ERBB4: variants seen among roughly 807,000 people sequenced by gnomAD.
ERBB4 encodes receptor tyrosine-protein kinase erbB-4.
Under a neutral mutation model 158.0 loss-of-function variants are expected in ERBB4, and 42 were observed. The observed-to-expected ratio is 0.27, with a 90% confidence interval of 0.21 to 0.34. The LOEUF is 0.34. Among genes scored for constraint, ERBB4 ranks in the 10% least tolerant of loss-of-function variants. The pLI is 1.00. For synonymous variants in ERBB4, 583 were observed against 558.7 expected (o/e 1.04, Z -0.61); for missense variants, 1,333 against 1,624.1 (o/e 0.82, Z 3.08).
chr2:212,236,436 T>A (rs189167460), intron 1 of ERBB4, among the ~76,000 whole-genome samples: 4 of 152,278 alleles, frequency 2.6e-5, no homozygotes, highest in African/African-American at 9.6e-5. Flanking sequence ...TCTTCTTTTG[T>A]GGTGTCTCTG....
chr2:211,558,174 T>C (rs566663828), intron 20 of ERBB4, among the ~76,000 whole-genome samples: 1 of 152,276 alleles, frequency 6.6e-6, no homozygotes, highest in South Asian at 2.1e-4. Flanking sequence ...TGGAAGTCCA[T>C]AATCAGTTTC....
chr2:211,815,392 T>A (rs1360949702), intron 3 of ERBB4, among the ~76,000 whole-genome samples: 2 of 152,246 alleles, frequency 1.3e-5, no homozygotes, highest in African/African-American at 4.8e-5. Flanking sequence ...GTGTTATGTT[T>A]TCTTGTTTTG....
chr2:211,848,723 A>C (rs1346419367), intron 3 of ERBB4, among the ~76,000 whole-genome samples: 2 of 152,094 alleles, frequency 1.3e-5, no homozygotes, highest in African/African-American at 4.8e-5. Context: ...GAGATTAGGC[A>C]CCTGGAAGTC....
At chr2:211,530,086 A>G (rs1490654753) in intron 20 of ERBB4, among the ~76,000 whole-genome samples, 3 of 152,116 alleles carry the variant, frequency 2.0e-5, no homozygotes, top group Middle Eastern at 3.2e-3. Context: ...ACAATCTCAT[A>G]CCTAGAAAAA....
intron 3 of ERBB4, among the ~76,000 whole-genome samples, chr2:211,918,139 T>TTA (rs2079752223): frequency 6.6e-6 from 1 of 152,156 alleles, no homozygotes; most frequent in African/African-American, 2.4e-5. Context: ...TGGAGCTGAT[T>TTA]TAGCACATGA....
intron 1 of ERBB4, among the ~76,000 whole-genome samples, chr2:212,296,660 C>T (rs1159701321): frequency 1.3e-5 from 2 of 151,932 alleles, no homozygotes; most frequent in Admixed American, 1.3e-4. Context: ...CTCTGGACTG[C>T]ATCTTGTTTG....
At chr2:212,142,295 A>G (rs572845924) in intron 1 of ERBB4, among the ~76,000 whole-genome samples, 1 of 152,222 alleles carries the variant, frequency 6.6e-6, no homozygotes, top group South Asian at 2.1e-4. Context: ...TACTATATTT[A>G]TAGCATTTGG....
At chr2:212,531,352 TTA>T (rs1692747077) in intron 1 of ERBB4, among the ~76,000 whole-genome samples, 1 of 152,284 alleles carries the variant, frequency 6.6e-6, no homozygotes, top group Admixed American at 6.5e-5. Context: ...AGGTAGCATC[TTA>T]CAGAAGCCAA....
At chr2:212,043,689 G>A (rs16847575) in intron 2 of ERBB4, among the ~76,000 whole-genome samples, 35,047 of 151,950 alleles carry the variant, frequency 0.23, 4,785 homozygotes, top group African/African-American at 0.39. Context: ...TTAAAAGCCA[G>A]AGAATAAGTG....
At chr2:211,750,884 G>A (rs1400084788) in intron 4 of ERBB4, among the ~76,000 whole-genome samples, 180 bp from the exon 5 acceptor site, 1 of 152,138 alleles carries the variant, frequency 6.6e-6, no homozygotes, top group Non-Finnish European at 1.5e-5. Flanking sequence ...TCAAACATAT[G>A]TGAAACTAAA....
At chr2:212,054,735 T>C (rs1489582945) in intron 2 of ERBB4, among the ~76,000 whole-genome samples, 1 of 152,186 alleles carries the variant, frequency 6.6e-6, no homozygotes. Context: ...TGGAAGATGC[T>C]GGCTGCCAAA....
intron 1 of ERBB4, among the ~76,000 whole-genome samples, chr2:212,316,953 T>C (rs1014977367): frequency 6.6e-5 from 10 of 151,666 alleles, no homozygotes; most frequent in African/African-American, 2.2e-4. Context: ...GCAGGAGCTA[T>C]TCTGAGGTGA....
intron 1 of ERBB4, among the ~76,000 whole-genome samples, chr2:212,521,356 C>T (rs1692151004): frequency 6.6e-6 from 1 of 151,622 alleles, no homozygotes; most frequent in Admixed American, 6.6e-5. Flanking sequence ...TCAGAGAGAG[C>T]CAAATTCTTC....
At chr2:211,591,652 C>A (rs1272825037) in intron 19 of ERBB4, among the ~76,000 whole-genome samples, 1 of 152,226 alleles carries the variant, frequency 6.6e-6, no homozygotes, top group Non-Finnish European at 1.5e-5. Context: ...ACTAACTGCA[C>A]TAGTGGTTCC....
chr2:212,406,709 T>G (rs1196784993), intron 1 of ERBB4, among the ~76,000 whole-genome samples: 1 of 152,114 alleles, frequency 6.6e-6, no homozygotes. Flanking sequence ...TGGTTGTCAT[T>G]TGGGATAATG....
intron 15 of ERBB4, among the ~76,000 whole-genome samples, chr2:211,661,205 C>T (rs2071410456): frequency 6.6e-6 from 1 of 152,122 alleles, no homozygotes; most frequent in South Asian, 2.1e-4. Context: ...TGGCACCATT[C>T]TTTCTAAATA....
At chr2:211,884,254 G>A (rs933215046) in intron 3 of ERBB4, among the ~76,000 whole-genome samples, 30 of 152,088 alleles carry the variant, frequency 2.0e-4, no homozygotes, top group African/African-American at 7.0e-4. Context: ...CCTTAATCCA[G>A]TTATTTTTTC....
chr2:212,292,502 A>T (rs1354305172), intron 1 of ERBB4, among the ~76,000 whole-genome samples: 1 of 152,054 alleles, frequency 6.6e-6, no homozygotes, highest in Non-Finnish European at 1.5e-5. Flanking sequence ...GATAAAAAAT[A>T]GTAATGACAT....
chr2:211,708,820 G>A (rs756499702), intron 9 of ERBB4, among the ~76,000 whole-genome samples: 3 of 151,938 alleles, frequency 2.0e-5, no homozygotes, highest in Non-Finnish European at 2.9e-5. Context: ...TTTTTTTATT[G>A]GAGGAAACCT....
Sources: gnomAD v4.1 joint callset for allele counts (sites outside exome capture counted in the v4.1 genomes callset) on GRCh38, gnomAD v4.1.1 for gene constraint, MANE v1.5 for transcripts, NCBI Gene and HGNC (gene_info 2026-07-23, HGNC 2026-07-21) for gene names.